The following PCDH7 variants were observed in gnomAD, a reference collection of about 807,000 sequenced individuals.
PCDH7 encodes the protein protocadherin-7.
Under a neutral mutation model 58.9 loss-of-function variants are expected in PCDH7, and 17 were observed. That is an observed-to-expected ratio of 0.29 (90% CI 0.20 to 0.43). The LOEUF (loss-of-function observed/expected upper bound fraction) is 0.43, where lower values mean the gene tolerates loss of function less well. Ranked by LOEUF, PCDH7 falls within the 20% of genes least tolerant of loss-of-function variation. PCDH7 has a pLI of 1.00. For synonymous variants in PCDH7, 664 were observed against 616.4 expected, an observed-to-expected ratio of 1.08 and a Z score of -1.14; for missense variants, 1,274 against 1,441.0, an observed-to-expected ratio of 0.88 and a Z score of 1.88.
chr4:31,029,926 A>C (rs144708400), intron 3 of PCDH7, among the ~76,000 whole-genome samples: 1 of 152,152 alleles, frequency 6.6e-6, no homozygotes, highest in Non-Finnish European at 1.5e-5. Flanking sequence ...ACTAATGCAG[A>C]AGTAGTTTAG....
At chr4:30,727,683 A>G (rs922631167) in intron 1 of PCDH7, among the ~76,000 whole-genome samples, 9 of 151,994 alleles carry the variant, frequency 5.9e-5, no homozygotes, top group African/African-American at 2.2e-4. Flanking sequence ...GTAGTTGTTA[A>G]ACTTTTGTGA....
At chr4:30,731,103 A>G (rs1328761886) in exon 2 of PCDH7, 4 of 1,066,368 alleles carry the variant, frequency 3.8e-6, no homozygotes, top group Non-Finnish European at 2.3e-6. Flanking sequence ...ATCCAAAAGC[A>G]TATTGCAACA....
At chr4:31,098,571 G>T (rs558921105) in intron 3 of PCDH7, among the ~76,000 whole-genome samples, 1 of 152,120 alleles carries the variant, frequency 6.6e-6, no homozygotes, top group East Asian at 1.9e-4. Context: ...CAAACTACTT[G>T]GGCTCACATC....
chr4:30,798,443 G>A (rs1195369647), intron 1 of PCDH7, among the ~76,000 whole-genome samples: 1 of 152,088 alleles, frequency 6.6e-6, no homozygotes. Flanking sequence ...ATCGCATTTG[G>A]TCATTTCTAA....
rs386399676 is a variant in PCDH7 at position 30,964,251 on chromosome 4, T to TTTA, written c.*7+14038_*7+14039insATT. Among the ~76,000 whole-genome samples the TTTA allele has an allele frequency of 4.7e-3, 147 of 31,432 alleles. 2 individuals are homozygous for TTTA. The highest frequency in any genetic ancestry group is 0.037 in the East Asian group (33 of 896). The allele number at this position is 31,432 out of a possible 152,430, so 20.6% of individuals were successfully genotyped here. On this transcript the variant is annotated intron_variant, in intron 3 of 3. Transcript: ENST00000509759. ...ATTTATTTATTTATTTATTTATTTATTTTTTTTTGAGATGAAATCTGGCTC... is the reference window on the plus strand; with the variant it reads ...ATTTATTTATTTATTTATTTATTTATTTATTTTTTTTGAGATGAAATCTGGCTC...
At chr4:31,105,899 C>T (rs532083070) in intron 3 of PCDH7, among the ~76,000 whole-genome samples, 67 of 151,694 alleles carry the variant, frequency 4.4e-4, no homozygotes, top group Non-Finnish European at 8.7e-4. Context: ...CCCAGCTGCT[C>T]GGGACGCTGA....
At chr4:30,876,120 T>C (rs918385795) in intron 1 of PCDH7, among the ~76,000 whole-genome samples, 1 of 152,122 alleles carries the variant, frequency 6.6e-6, no homozygotes, top group South Asian at 2.1e-4. Flanking sequence ...TTCCTCCACC[T>C]AATTCCTGGC....
chr4:31,019,621 G>A (rs1004832496), intron 3 of PCDH7, among the ~76,000 whole-genome samples: 5 of 151,870 alleles, frequency 3.3e-5, no homozygotes, highest in East Asian at 1.9e-4. Flanking sequence ...CCCAGGAGGT[G>A]GAGGTTGCAG....
chr4:30,987,252 C>T (rs1461363124), intron 3 of PCDH7, among the ~76,000 whole-genome samples: 1 of 151,966 alleles, frequency 6.6e-6, no homozygotes, highest in Non-Finnish European at 1.5e-5. Flanking sequence ...TACAGATCAC[C>T]TAAGTAAGAA....
chr4:30,881,816 T>C (rs539957838), intron 1 of PCDH7, among the ~76,000 whole-genome samples: 2 of 152,180 alleles, frequency 1.3e-5, no homozygotes, highest in Non-Finnish European at 2.9e-5. Context: ...TCAGAAATAG[T>C]CCTTGAATTG....
chr4:31,027,812 T>C (rs1455392842), intron 3 of PCDH7, among the ~76,000 whole-genome samples: 1 of 152,240 alleles, frequency 6.6e-6, no homozygotes, highest in Non-Finnish European at 1.5e-5. Flanking sequence ...AGTGATTATG[T>C]CTCTGACTGT....
intron 1 of PCDH7, among the ~76,000 whole-genome samples, chr4:30,860,889 A>C (rs1225342675): frequency 6.6e-6 from 1 of 152,176 alleles, no homozygotes; most frequent in Non-Finnish European, 1.5e-5. Flanking sequence ...AGTACCCAGT[A>C]TGCTGTCATC....
chr4:30,911,806 G>A (rs1741813124), intron 1 of PCDH7, among the ~76,000 whole-genome samples: 1 of 151,926 alleles, frequency 6.6e-6, no homozygotes, highest in Non-Finnish European at 1.5e-5. Context: ...ATATTAATCT[G>A]ATCCACATAG....
At chr4:30,824,637 C>G (rs1352088828) in intron 1 of PCDH7, among the ~76,000 whole-genome samples, 2 of 151,998 alleles carry the variant, frequency 1.3e-5, no homozygotes, top group Non-Finnish European at 2.9e-5. Flanking sequence ...ACGGTTTTAT[C>G]AGGCAGAGTA....
intron 1 of PCDH7, among the ~76,000 whole-genome samples, chr4:30,798,394 A>G (rs2109304340): frequency 6.6e-6 from 1 of 152,324 alleles, no homozygotes; most frequent in African/African-American, 2.4e-5. Flanking sequence ...TGTGACATTC[A>G]TGGCCATAAT....
chr4:31,143,703 T>C (rs2109350853), downstream of PCDH7: 1 of 152,324 alleles, frequency 6.6e-6, no homozygotes, highest in South Asian at 2.1e-4. Flanking sequence ...AAAGATCATA[T>C]GGCAGATCAG....
rs866763618 is a variant in PCDH7, at chr4:30,826,762, G to A, written c.71-93391G>A. Among the ~76,000 whole-genome samples, 5 of 152,030 alleles carry A rather than the reference G, an allele frequency of 3.3e-5. No homozygotes were observed. The South Asian group carries it at 6.2e-4, about 19-fold the overall frequency. The stretch of plus-strand genomic sequence containing the variant: ...TATTTTTGAGACAGGGTCTCGTTTT[G>A]TCACCCAGGCTGGAGTATAGCAGCA... On this transcript the variant is annotated intron_variant, in intron 1 of 3. Coordinates refer to the PCDH7 transcript ENST00000509759.
intron 3 of PCDH7, among the ~76,000 whole-genome samples, chr4:30,977,201 T>G (rs982015285): frequency 6.6e-6 from 1 of 152,182 alleles, no homozygotes; most frequent in South Asian, 2.1e-4. Flanking sequence ...AACTACTATC[T>G]CTATAGGTAG....
At chr4:30,871,288 G>A (rs1467918236) in intron 1 of PCDH7, among the ~76,000 whole-genome samples, 1 of 152,060 alleles carries the variant, frequency 6.6e-6, no homozygotes, top group Non-Finnish European at 1.5e-5. Flanking sequence ...CAGAGGATGG[G>A]TAGGGAGCAT....
Sources: gnomAD v4.1 joint callset for allele counts (sites outside exome capture counted in the v4.1 genomes callset) on GRCh38, gnomAD v4.1.1 for gene constraint, MANE v1.5 for transcripts, NCBI Gene and HGNC (gene_info 2026-07-23, HGNC 2026-07-21) for gene names.